The following FYTTD1 variants were observed in gnomAD, a reference collection of about 807,000 sequenced individuals.
The protein encoded by FYTTD1 is UAP56-interacting factor.
A neutral mutation model predicts 40.9 loss-of-function variants in FYTTD1; 22 were observed. The ratio of observed to expected loss-of-function variants is 0.54; its 90% CI spans 0.38 to 0.77. The LOEUF (loss-of-function observed/expected upper bound fraction) is 0.77, where lower values mean the gene tolerates loss of function less well. FYTTD1 is among the 30% of genes least tolerant of loss of function. The pLI, the probability that FYTTD1 is intolerant of heterozygous loss-of-function variation, is 0.00. For synonymous variants in FYTTD1, 140 were observed against 137.9 expected (o/e 1.01, Z -0.10); for missense variants, 351 against 392.2 (o/e 0.90, Z 0.89).
rs1560502763 is a variant in FYTTD1, at chr3:197,782,524, G to GTAT, written c.*618_*620dup. The GTAT allele has an allele frequency of 6.6e-6, 1 of 152,166 alleles. No individual in the cohort carries two copies. Among genetic ancestry groups the GTAT allele is most frequent in the African/African-American group, 2.4e-5 (1 of 41,424 alleles). The allele number at this position is 152,166 out of a possible 1,614,324, so 9.4% of individuals were successfully genotyped here. On this transcript the variant is annotated 3_prime_UTR_variant, in exon 9 of 9. Coordinates refer to ENST00000241502, the MANE Select transcript of FYTTD1 (RefSeq NM_032288.7). ...CTTTTAACAGGAAATGTGGCCCTAG[G>GTAT]TATTAGTCTTAGTTTAAAATGTTGG... is the stretch of plus-strand genomic sequence containing the variant.
chr3:197,768,714 T>A, intron 3 of FYTTD1, 127 bp downstream of exon 3: 1 of 655,658 alleles, frequency 1.5e-6, no homozygotes, highest in Non-Finnish European at 2.4e-6. Context: ...TATAAAAAAA[T>A]TTAATATCTA....
rs778922207 is a variant in FYTTD1, at chr3:197,773,408, A to G, written c.503A>G (p.Asn168Ser). The G allele has an allele frequency of 1.9e-6, 3 of 1,585,686 alleles. No individual in the cohort carries two copies. Among genetic ancestry groups the G allele is most frequent in the East Asian group, 2.2e-5 (1 of 44,766 alleles). ...CCTATGTGTTTTTGTTGCAGAAATA[A>G]CATTCCAGCTAATTTTACCAGGAGT... ...KRPSQLSRKN[N>S]IPANFTRSGN... is the part of the protein sequence containing the mutation. The change falls in exon 5 of 9, where the codon AAC becomes AGC. Residue 168 changes from asparagine (N) to serine (S), a missense_variant. Coordinates refer to ENST00000241502, the MANE Select transcript of FYTTD1 (RefSeq NM_032288.7).
At position 197,769,470 on chromosome 3, in the gene FYTTD1, A is replaced by G. The variant is rs189600216; in HGVS notation, c.385-662A>G. On this transcript the variant is annotated intron_variant, in intron 3 of 8. Transcript: ENST00000241502. ...CTTAATAGAAGAATCCAGATAAAGT[A>G]TAAGATAAGGTGCATATTTGTCAAG... Among the ~76,000 whole-genome samples, 62 of 152,352 alleles carry G rather than the reference A, an allele frequency of 4.1e-4. 1 individual carries two copies. Among genetic ancestry groups the G allele is most frequent in the Admixed American group, 3.6e-3 (55 of 15,302 alleles).
Position 197,750,940 on chromosome 3 carries a change from A to G in FYTTD1, c.103+866A>G, listed in dbSNP as rs539024478. 4.1e-6 allele frequency: 3 copies of G among 731,000 alleles called. No individual in the cohort carries two copies. In the South Asian group the frequency reaches 1.8e-4, roughly 45 times the overall value. The allele number at this position is 731,000 out of a possible 1,614,324, so 45.3% of individuals were successfully genotyped here. On this transcript the variant is annotated intron_variant, in intron 1 of 8. Coordinates refer to ENST00000241502, the MANE Select transcript of FYTTD1 (RefSeq NM_032288.7). Reference sequence around the variant, plus strand: ...CCAGCCCTGACACTACCGAGGCACCAGCCGCTGTGGTTAGCTTAGGTGGGC... The same window carrying G: ...CCAGCCCTGACACTACCGAGGCACCGGCCGCTGTGGTTAGCTTAGGTGGGC...
At chr3:197,756,263 T>A (rs1344798244) in intron 1 of FYTTD1, among the ~76,000 whole-genome samples, 163 bp from the exon 2 acceptor site, 1 of 152,176 alleles carries the variant, frequency 6.6e-6, no homozygotes, top group Non-Finnish European at 1.5e-5. Flanking sequence ...GTAGATCTGC[T>A]TTGGGCTATT....
In FYTTD1 at chr3:197,750,019, G is replaced by A; in HGVS notation, c.48G>A (p.Ser16=). ...TGGTGGGAGCCACGGCGACTTCTTC[G>A]CCGCCGCCGAAGGCCCGCAGCAATG... ...TRLVGATATS[S]PPPKARSNEN... is the part of the protein sequence containing the mutation. Residue 16 remains serine (S), a synonymous_variant, in exon 1 of 9, where the codon TCG becomes TCA. Coordinates refer to ENST00000241502, the MANE Select transcript of FYTTD1 (RefSeq NM_032288.7). 6.3e-7 allele frequency: 1 copy of A among 1,584,600 alleles called. No homozygotes were observed. The highest frequency in any genetic ancestry group is 8.6e-7 in the Non-Finnish European group (1 of 1,167,064).
chr3:197,752,760 G>A (rs1000976901), intron 1 of FYTTD1, among the ~76,000 whole-genome samples: 2 of 152,032 alleles, frequency 1.3e-5, no homozygotes, highest in Admixed American at 1.3e-4. Context: ...ATATATGTGT[G>A]TATGTCTGTA....
intron 3 of FYTTD1, among the ~76,000 whole-genome samples, chr3:197,769,633 C>T (rs78060007): frequency 2.6e-5 from 4 of 152,218 alleles, no homozygotes; most frequent in East Asian, 1.9e-4. Context: ...CCTCTAACCA[C>T]GTCTACTCCA....
rs1729936743 is a variant in FYTTD1, at chr3:197,778,437, G to A, written c.831G>A (p.Gln277=). Residue 277 remains glutamine (Q), a synonymous_variant, in exon 8 of 9, where the codon CAG becomes CAA. Transcript: ENST00000241502. ...AAGTTCCTAAAGGTGTTCCCCTGCA[G>A]TTTGACATAAACAGTGTCGGAAAAC... ...VKKVPKGVPL[Q]FDINSVGKQT... The A allele has an allele frequency of 6.2e-7, 1 of 1,609,804 alleles. No homozygotes were observed. The highest frequency in any genetic ancestry group is 8.5e-7 in the Non-Finnish European group (1 of 1,177,286).
rs565704261 is a variant in FYTTD1 at position 197,773,955 on chromosome 3, T to C, written c.595-194T>C. ...CACACGCCCCACTGGGTTAGGAATTTCTAGAATAGCGCGGGCCCCTCCGCT... is the reference window on the plus strand; with the variant it reads ...CACACGCCCCACTGGGTTAGGAATTCCTAGAATAGCGCGGGCCCCTCCGCT... On this transcript the variant is annotated intron_variant, in intron 5 of 8. Coordinates refer to ENST00000241502, the MANE Select transcript of FYTTD1 (RefSeq NM_032288.7). 1.9e-3 allele frequency among the ~76,000 whole-genome samples: 277 copies of C among 144,802 alleles called. 1 individual carries two copies. The highest frequency in any genetic ancestry group is 3.2e-3 in the Non-Finnish European group (212 of 66,136). The allele number at this position is 144,802 out of a possible 152,430, so 95.0% of individuals were successfully genotyped here.
chr3:197,767,652 C>A (rs931776311), intron 2 of FYTTD1, among the ~76,000 whole-genome samples: 5 of 152,072 alleles, frequency 3.3e-5, no homozygotes, highest in Admixed American at 6.6e-5. Flanking sequence ...CGAGGCCTCA[C>A]TATGTTGCCC....
At chr3:197,767,015 T>C (rs1346731878) in intron 2 of FYTTD1, among the ~76,000 whole-genome samples, 1 of 152,170 alleles carries the variant, frequency 6.6e-6, no homozygotes, top group African/African-American at 2.4e-5. Flanking sequence ...TATTTTCTTA[T>C]TTGTACTTTA....
At chr3:197,760,431 G>A (rs1248795874) in intron 2 of FYTTD1, among the ~76,000 whole-genome samples, 1 of 149,138 alleles carries the variant, frequency 6.7e-6, no homozygotes. Flanking sequence ...TGTTCTTCAG[G>A]GGTAGAATGT....
At chr3:197,752,348 A>G (rs1438551456) in intron 1 of FYTTD1, among the ~76,000 whole-genome samples, 2 of 152,278 alleles carry the variant, frequency 1.3e-5, no homozygotes, top group Admixed American at 6.5e-5. Context: ...GGTGACAGTA[A>G]GTAGTGTTTA....
In FYTTD1 at chr3:197,782,745, A is replaced by T. The variant is rs886489427; in HGVS notation, c.*836A>T. On this transcript the variant is annotated 3_prime_UTR_variant, in exon 9 of 9. Coordinates refer to ENST00000241502, the MANE Select transcript of FYTTD1 (RefSeq NM_032288.7). ...TAGATGTACTGTTTGGATGTAGCAT[A>T]GTCTTGAGTCTAGCGTCCACAAAGA... 6.6e-6 allele frequency: 1 copy of T among 152,230 alleles called. No homozygotes were observed. The highest frequency in any genetic ancestry group is 1.5e-5 in the Non-Finnish European group (1 of 68,040). 9.4% of individuals were successfully genotyped at this position (152,230 alleles called of 1,614,324 possible).
chr3:197,776,643 G>A (rs2109053611), intron 6 of FYTTD1, among the ~76,000 whole-genome samples: 1 of 152,184 alleles, frequency 6.6e-6, no homozygotes, highest in Admixed American at 6.5e-5. Flanking sequence ...CAGGAGAATA[G>A]TGGGGTGAGG....
intron 2 of FYTTD1, among the ~76,000 whole-genome samples, chr3:197,763,281 G>A (rs1484124339): frequency 2.0e-5 from 3 of 152,028 alleles, no homozygotes; most frequent in Admixed American, 2.0e-4. Context: ...GGGTGTGGTG[G>A]CACATAGCTG....
chr3:197,781,818 T>C lies in FYTTD1; in HGVS notation c.866T>C (p.Met289Thr), dbSNP rs1730035534. 6.2e-7 allele frequency: 1 copy of C among 1,605,146 alleles called. No individual in the cohort carries two copies. The highest frequency in any genetic ancestry group is 8.5e-7 in the Non-Finnish European group (1 of 1,174,288). ...TTTTTTTCTTTTCTCTAGACAGGGATGACGTTGAATGAGCGGTTTGGGATC... is the reference window on the plus strand; with the variant it reads ...TTTTTTTCTTTTCTCTAGACAGGGACGACGTTGAATGAGCGGTTTGGGATC... ...DINSVGKQTG[M>T]TLNERFGILK... The change falls in exon 9 of 9, where the codon ATG becomes ACG. Residue 289 changes from methionine (M) to threonine (T), a missense_variant. Met to Thr is a moderately conservative substitution (Grantham distance 81, BLOSUM62 -1). Transcript: ENST00000241502.
rs2109057641 is a variant in FYTTD1 at position 197,782,073 on chromosome 3, A to T, written c.*164A>T. 2.2e-6 allele frequency: 1 copy of T among 444,952 alleles called. No homozygotes were observed. The highest frequency in any genetic ancestry group is 3.3e-5 in the East Asian group (1 of 30,032). The allele number at this position is 444,952 out of a possible 1,614,324, so 27.6% of individuals were successfully genotyped here. A position where few individuals can be genotyped will look rare whatever the true frequency, so the allele number is the denominator to read the frequency against. ...TTTTTTTAAAAAAAAAAACGTATAA[A>T]ATAATGCCCTGAAAGAATAATAGGG... On this transcript the variant is annotated 3_prime_UTR_variant, in exon 9 of 9. Transcript: ENST00000241502.
Sources: gnomAD v4.1 joint callset for allele counts (sites outside exome capture counted in the v4.1 genomes callset) on GRCh38, gnomAD v4.1.1 for gene constraint, MANE v1.5 for transcripts, NCBI Gene and HGNC (gene_info 2026-07-23, HGNC 2026-07-21) for gene names.